Variants in PALLD observed in about 807,000 individuals in gnomAD.
PALLD encodes the protein palladin, cytoskeletal associated protein.
In PALLD, 61 loss-of-function variants were observed where a neutral mutation model predicts 123.5. That is an observed-to-expected ratio of 0.49 (90% confidence interval 0.40 to 0.61). PALLD has a LOEUF of 0.61. PALLD is among the 20% of genes least tolerant of loss of function. The probability of loss-of-function intolerance (pLI) is 0.00; values close to 1 mark genes in which losing one functional copy is unlikely to be tolerated. For missense variants in PALLD, 1,273 were observed against 1,377.0 expected, an observed-to-expected ratio of 0.92 and a Z score of 1.20; for synonymous variants, 465 against 496.4, an observed-to-expected ratio of 0.94 and a Z score of 0.84.
At chr4:168,600,299 G>T (rs545764135) in intron 2 of PALLD, among the ~76,000 whole-genome samples, 39 of 151,782 alleles carry the variant, frequency 2.6e-4, no homozygotes, top group Non-Finnish European at 4.4e-4. Flanking sequence ...CTATTTTTGG[G>T]GATTAGACTA....
intron 10 of PALLD, among the ~76,000 whole-genome samples, chr4:168,873,209 G>T (rs1419601755): frequency 6.6e-6 from 1 of 152,184 alleles, no homozygotes; most frequent in Non-Finnish European, 1.5e-5. Context: ...ACAGTGATGA[G>T]TCCACCATGT....
At chr4:168,753,244 G>T (rs956401635) in intron 10 of PALLD, among the ~76,000 whole-genome samples, 1 of 152,044 alleles carries the variant, frequency 6.6e-6, no homozygotes, top group Non-Finnish European at 1.5e-5. Context: ...AAGTAGGGAG[G>T]TATATAGGCT....
chr4:168,597,611 A>T (rs1772128258), intron 2 of PALLD, among the ~76,000 whole-genome samples: 1 of 152,076 alleles, frequency 6.6e-6, no homozygotes, highest in African/African-American at 2.4e-5. Flanking sequence ...TTATGTAGAG[A>T]GAATAGAAAT....
At chr4:168,625,504 T>TAGATAGATAGATAGATAG (rs769777583) in intron 2 of PALLD, among the ~76,000 whole-genome samples, 20 of 135,950 alleles carry the variant, frequency 1.5e-4, no homozygotes, top group East Asian at 6.6e-4. Context: ...ATCCAGGAGA[T>TAGATAGATAGATAGATAG]ATATATATAT....
chr4:168,648,998 C>T (rs1328135355), intron 2 of PALLD: 2 of 152,204 alleles, frequency 1.3e-5, no homozygotes, highest in Admixed American at 1.3e-4. Flanking sequence ...CCAAAGACTG[C>T]TTAAGGAGTG....
chr4:168,903,931 T>C (rs1757081779), intron 15 of PALLD, 25 bp downstream of exon 15: 1 of 1,608,022 alleles, frequency 6.2e-7, no homozygotes, highest in Non-Finnish European at 8.5e-7. Context: ...AGGTCTGGGC[T>C]CAGTTCTGTG....
At chr4:168,503,421 G>A (rs2319912) in intron 1 of PALLD, among the ~76,000 whole-genome samples, 103,844 of 152,024 alleles carry the variant, frequency 0.68, 35,571 homozygotes, top group East Asian at 0.77. Context: ...AGGCCAAGGC[G>A]GGTGGATGAC....
chr4:168,734,870 G>A (rs752906813), intron 10 of PALLD, among the ~76,000 whole-genome samples: 3 of 152,092 alleles, frequency 2.0e-5, no homozygotes, highest in Non-Finnish European at 4.4e-5. Context: ...GTTGCAGTGA[G>A]CTATGATGGC....
At chr4:168,638,258 T>C (rs1205024241) in intron 2 of PALLD, among the ~76,000 whole-genome samples, 1 of 152,206 alleles carries the variant, frequency 6.6e-6, no homozygotes, top group African/African-American at 2.4e-5. Flanking sequence ...ATAAGCATCT[T>C]GCCCAAGATC....
Position 168,869,712 on chromosome 4 carries a change from G to T in PALLD, c.1965-21210G>T, listed in dbSNP as rs1221968946. Among the ~76,000 whole-genome samples, 1 of 152,188 alleles carries T rather than the reference G, an allele frequency of 6.6e-6. No homozygotes were observed. The highest frequency in any genetic ancestry group is 1.9e-4 in the East Asian group (1 of 5,202). ...TTTTAGGGAGACAAGTTAGATCAGG[G>T]TGAGAGGAGCTCTGTCTAGACATAA... On this transcript the variant is annotated intron_variant, in intron 10 of 21. Coordinates refer to ENST00000505667, the MANE Select transcript of PALLD (RefSeq NM_001166108.2). The surrounding 1 kb of genome is among the most constrained non-coding windows in gnomAD (Gnocchi z 4.5).
chr4:168,736,418 A>C (rs1787762627), intron 10 of PALLD, among the ~76,000 whole-genome samples: 1 of 152,190 alleles, frequency 6.6e-6, no homozygotes, highest in Admixed American at 6.5e-5. Flanking sequence ...CTCAAATACC[A>C]AGTGCTGTCA....
intron 10 of PALLD, among the ~76,000 whole-genome samples, chr4:168,879,885 T>TA (rs1752374634): frequency 6.6e-6 from 1 of 152,198 alleles, no homozygotes; most frequent in Non-Finnish European, 1.5e-5. Flanking sequence ...AGCTTTTATT[T>TA]AGCTGTTAGA....
At chr4:168,699,730 C>T (rs1581032504) in intron 8 of PALLD, among the ~76,000 whole-genome samples, 1 of 152,098 alleles carries the variant, frequency 6.6e-6, no homozygotes, top group Non-Finnish European at 1.5e-5. Flanking sequence ...GGAGATATTG[C>T]TGTGATTTTG....
chr4:168,670,469 C>T (rs960486182), intron 3 of PALLD, among the ~76,000 whole-genome samples: 2 of 151,670 alleles, frequency 1.3e-5, no homozygotes, highest in Non-Finnish European at 2.9e-5. Flanking sequence ...CGCGGTGGCT[C>T]ACGCCTGTAA....
At chr4:168,800,621 G>T (rs1252243086) in intron 10 of PALLD, among the ~76,000 whole-genome samples, 1 of 152,094 alleles carries the variant, frequency 6.6e-6, no homozygotes, top group Non-Finnish European at 1.5e-5. Flanking sequence ...TTCTGGCAAG[G>T]ATGTGAAGTA....
chr4:168,624,644 G>C (rs945237683), intron 2 of PALLD, among the ~76,000 whole-genome samples: 3 of 152,128 alleles, frequency 2.0e-5, no homozygotes, highest in African/African-American at 7.2e-5. Flanking sequence ...TTGGAGAGCA[G>C]ATGGTTAATC....
chr4:168,630,454 A>G (rs926441862), intron 2 of PALLD, among the ~76,000 whole-genome samples: 6 of 152,250 alleles, frequency 3.9e-5, no homozygotes, highest in African/African-American at 7.2e-5. Flanking sequence ...AAAAAATTCA[A>G]TATTTCATGA....
rs1008006232 is a variant in PALLD at position 168,650,839 on chromosome 4, A to G, written c.909-17351A>G. On this transcript the variant is annotated intron_variant, in intron 2 of 21. Transcript: ENST00000505667. Reference sequence around the variant, plus strand: ...CTTGCCCTATGCATATCATATGTGTATAACAGTATTACCAAGTATAATAGT... The same window carrying G: ...CTTGCCCTATGCATATCATATGTGTGTAACAGTATTACCAAGTATAATAGT... Among the ~76,000 whole-genome samples the G allele has an allele frequency of 7.2e-5, 11 of 152,232 alleles. No individual in the cohort carries two copies. In the East Asian group the frequency reaches 7.7e-4, roughly 11 times the overall value.
chr4:168,548,840 G>A (rs1766436364), intron 2 of PALLD, among the ~76,000 whole-genome samples: 1 of 152,086 alleles, frequency 6.6e-6, no homozygotes, highest in South Asian at 2.1e-4. Context: ...AATTTGAGGA[G>A]CGTGGTAAAT....
Sources: allele counts gnomAD v4.1 joint callset (sites outside exome capture counted in the v4.1 genomes callset), GRCh38; gene constraint gnomAD v4.1.1; non-coding constraint Gnocchi (gnomAD v3.1); transcripts MANE v1.5; gene names NCBI Gene and HGNC (gene_info 2026-07-23, HGNC 2026-07-21).